The following SGCD variants were observed in gnomAD, a reference collection of about 807,000 sequenced individuals.
The protein encoded by SGCD is sarcoglycan delta, also known as delta-sarcoglycan.
Under a neutral mutation model 36.6 loss-of-function variants are expected in SGCD, and 18 were observed. The observed-to-expected ratio is 0.49, with a 90% confidence interval of 0.34 to 0.73. The LOEUF (loss-of-function observed/expected upper bound fraction) is 0.73. SGCD is among the 30% of genes least tolerant of loss of function. The pLI is 0.01. For missense variants in SGCD, 387 were observed against 346.7 expected, an observed-to-expected ratio of 1.12 and a Z score of -0.92; for synonymous variants, 133 against 130.6, an observed-to-expected ratio of 1.02 and a Z score of -0.12.
At chr5:156,008,052 G>A (rs762800216) in intron 1 of SGCD, among the ~76,000 whole-genome samples, 16 of 151,990 alleles carry the variant, frequency 1.1e-4, no homozygotes, top group South Asian at 2.1e-4. Context: ...AAATATTCAC[G>A]TTCTCAGATG....
intron 4 of SGCD, among the ~76,000 whole-genome samples, chr5:156,564,885 A>G (rs1176279026): frequency 6.6e-6 from 1 of 152,162 alleles, no homozygotes; most frequent in Non-Finnish European, 1.5e-5. Context: ...CATGTTGTTT[A>G]TCCATTCATC....
chr5:155,980,313 C>T (rs1033723575), intron 1 of SGCD, among the ~76,000 whole-genome samples: 7 of 151,942 alleles, frequency 4.6e-5, no homozygotes, highest in African/African-American at 1.7e-4. Flanking sequence ...TGGCCAGGAG[C>T]GGTGGTTCAC....
intron 1 of SGCD, among the ~76,000 whole-genome samples, chr5:156,063,492 G>A (rs1164573356): frequency 2.3e-5 from 3 of 129,778 alleles, no homozygotes; most frequent in African/African-American, 1.0e-4. Flanking sequence ...TAGCTTTATG[G>A]GGATGGCGTT....
chr5:156,437,034 C>T (rs1753275011), intron 3 of SGCD, among the ~76,000 whole-genome samples: 1 of 152,102 alleles, frequency 6.6e-6, no homozygotes, highest in South Asian at 2.1e-4. Flanking sequence ...TTTTTATTCC[C>T]ATTCATTTCT....
intron 4 of SGCD, among the ~76,000 whole-genome samples, chr5:156,537,062 T>A (rs1468066631): frequency 6.6e-6 from 1 of 152,176 alleles, no homozygotes; most frequent in African/African-American, 2.4e-5. Flanking sequence ...CTTTGGAGAT[T>A]TCCGGTCCTG....
chr5:156,481,863 C>T (rs2127839629), intron 3 of SGCD, among the ~76,000 whole-genome samples: 1 of 152,262 alleles, frequency 6.6e-6, no homozygotes, highest in East Asian at 1.9e-4. Context: ...CCTCTGTGAG[C>T]AAGTCTTTGA....
chr5:156,378,109 G>C (rs977267356), intron 3 of SGCD, among the ~76,000 whole-genome samples: 2 of 152,110 alleles, frequency 1.3e-5, no homozygotes, highest in African/African-American at 4.8e-5. Flanking sequence ...AGCATCCATT[G>C]ACAGATGAAT....
intron 1 of SGCD, among the ~76,000 whole-genome samples, chr5:156,100,904 C>A (rs1431431370): frequency 6.6e-6 from 1 of 152,126 alleles, no homozygotes; most frequent in Non-Finnish European, 1.5e-5. Context: ...GTGCCCTCCC[C>A]ACATTTACAT....
the SGCD span, among the ~76,000 whole-genome samples, chr5:155,784,297 G>A: frequency 6.6e-6 from 1 of 152,160 alleles, no homozygotes; most frequent in Non-Finnish European, 1.5e-5. Flanking sequence ...CATGTCTGAA[G>A]ACCTGGGGCT....
chr5:155,969,230 A>G (rs1214660364), intron 1 of SGCD, among the ~76,000 whole-genome samples: 1 of 152,134 alleles, frequency 6.6e-6, no homozygotes, highest in Non-Finnish European at 1.5e-5. Context: ...CATACTCATG[A>G]AAGATTGACA....
At chr5:156,125,781 A>G (rs1158197797) in intron 3 of SGCD, among the ~76,000 whole-genome samples, 1 of 151,008 alleles carries the variant, frequency 6.6e-6, no homozygotes, top group African/African-American at 2.4e-5. Context: ...GTACAAGTAT[A>G]AACATTCTAC....
chr5:156,591,742 A>C (rs1165392433), intron 5 of SGCD, among the ~76,000 whole-genome samples: 1 of 152,160 alleles, frequency 6.6e-6, no homozygotes, highest in Non-Finnish European at 1.5e-5. Flanking sequence ...TTTTCTTCCC[A>C]GAGAGGAACA....
intron 1 of SGCD, among the ~76,000 whole-genome samples, chr5:155,968,717 A>G (rs1361775972): frequency 6.6e-6 from 1 of 152,046 alleles, no homozygotes; most frequent in Non-Finnish European, 1.5e-5. Context: ...GGGGACTGCC[A>G]TACATTCTTC....
chr5:156,632,857 T>C (rs1165794656), intron 6 of SGCD, among the ~76,000 whole-genome samples: 2 of 152,096 alleles, frequency 1.3e-5, no homozygotes, highest in African/African-American at 4.8e-5. Flanking sequence ...GGGGGAGGCA[T>C]ATATGATCAT....
rs1754784819 is a variant in SGCD, at chr5:156,707,295, A to G, written c.576-50286A>G. On this transcript the variant is annotated intron_variant, in intron 7 of 8. Coordinates refer to ENST00000337851, the MANE Select transcript of SGCD (RefSeq NM_000337.6). ...TGCCAACCAGCATGTCATGGAACAC[A>G]TTAACTGGATTCATGCCTATTCTAT... 2.6e-5 allele frequency among the ~76,000 whole-genome samples: 4 copies of G among 152,220 alleles called. No individual in the cohort carries two copies. The South Asian group carries it at 8.3e-4, about 31-fold the overall frequency.
At chr5:156,367,998 A>G (rs1229012121) in intron 3 of SGCD, among the ~76,000 whole-genome samples, 3 of 152,086 alleles carry the variant, frequency 2.0e-5, no homozygotes, top group Non-Finnish European at 4.4e-5. Flanking sequence ...GCTTTCCAAA[A>G]CATACTAAAA....
At chr5:155,789,598 G>A in the SGCD span, among the ~76,000 whole-genome samples, 1 of 152,050 alleles carries the variant, frequency 6.6e-6, no homozygotes, top group Non-Finnish European at 1.5e-5. Flanking sequence ...AGCTGACAAG[G>A]TTTTCAAGTG....
chr5:156,020,880 T>G (rs570821360), intron 1 of SGCD, among the ~76,000 whole-genome samples: 1 of 152,356 alleles, frequency 6.6e-6, no homozygotes, highest in East Asian at 1.9e-4. Context: ...TCCTCCTAAC[T>G]GCTGTGACCT....
intron 1 of SGCD, among the ~76,000 whole-genome samples, chr5:155,980,092 C>T (rs1169253841): frequency 1.3e-5 from 2 of 152,134 alleles, no homozygotes; most frequent in Admixed American, 6.5e-5. Flanking sequence ...TAGCAGTCTG[C>T]ATCCCCAAAG....
Sources: allele counts gnomAD v4.1 joint callset (sites outside exome capture counted in the v4.1 genomes callset), GRCh38; gene constraint gnomAD v4.1.1; transcripts MANE v1.5; gene names NCBI Gene and HGNC (gene_info 2026-07-23, HGNC 2026-07-21).